ROR2: variants seen among roughly 807,000 people sequenced by gnomAD.
ROR2 encodes tyrosine-protein kinase transmembrane receptor ROR2.
A neutral mutation model predicts 74.9 loss-of-function variants in ROR2; 33 were observed. The observed-to-expected ratio is 0.44, with a 90% confidence interval of 0.33 to 0.59. The LOEUF is 0.59. Ranked by LOEUF, ROR2 falls within the 20% of genes least tolerant of loss-of-function variation. ROR2 has a pLI of 0.02. For missense variants in ROR2, 1,216 were observed against 1,313.8 expected (o/e 0.93, Z 1.15); for synonymous variants, 586 against 558.7 (o/e 1.05, Z -0.69).
intron 1 of ROR2, among the ~76,000 whole-genome samples, chr9:91,900,531 AC>A: frequency 6.6e-6 from 1 of 152,230 alleles, no homozygotes; most frequent in Non-Finnish European, 1.5e-5. Flanking sequence ...TGAGGAAGGC[AC>A]CGCGTGGCAT....
intron 1 of ROR2, among the ~76,000 whole-genome samples, chr9:91,814,307 C>T (rs1827854252): frequency 1.3e-5 from 2 of 152,362 alleles, no homozygotes; most frequent in Middle Eastern, 3.4e-3. Context: ...TAGAAGGCAA[C>T]AGCCTGGCTC....
chr9:91,912,668 G>GT (rs1276203301), intron 1 of ROR2, among the ~76,000 whole-genome samples: 1 of 152,142 alleles, frequency 6.6e-6, no homozygotes. Flanking sequence ...TAACAAACAT[G>GT]TAACAGGAAA....
chr9:91,907,619 C>T (rs1309189006), intron 1 of ROR2, among the ~76,000 whole-genome samples: 1 of 152,144 alleles, frequency 6.6e-6, no homozygotes, highest in African/African-American at 2.4e-5. Flanking sequence ...GGAAGGGCCT[C>T]CTCTGCTGGG....
In ROR2 at chr9:91,734,532, G is replaced by A. The variant is rs527714917; in HGVS notation, c.623-1096C>T. On this transcript the variant is annotated intron_variant, in intron 5 of 8. Transcript: ENST00000375708. ...GCCTTGACCTCCAGGCAAGGAAAGC[G>A]TGTAAGTGCTGTGCCAGGTTTGGCC... Among the ~76,000 whole-genome samples the A allele has an allele frequency of 1.3e-3, 202 of 151,820 alleles. 1 individual carries two copies. Among genetic ancestry groups the A allele is most frequent in the Non-Finnish European group, 2.5e-3 (170 of 67,880 alleles).
At chr9:91,867,748 C>T (rs961458016) in intron 1 of ROR2, among the ~76,000 whole-genome samples, 3 of 150,332 alleles carry the variant, frequency 2.0e-5, no homozygotes, top group Non-Finnish European at 4.4e-5. Context: ...CAGCAGAACA[C>T]CACCCCCGTC....
At chr9:91,815,381 C>A (rs1827892945) in intron 1 of ROR2, among the ~76,000 whole-genome samples, 1 of 151,976 alleles carries the variant, frequency 6.6e-6, no homozygotes, top group Admixed American at 6.6e-5. Flanking sequence ...CATTTTCATT[C>A]ATAATAAAAG....
intron 1 of ROR2, among the ~76,000 whole-genome samples, chr9:91,925,906 G>A (rs538564068): frequency 2.6e-5 from 4 of 152,234 alleles, no homozygotes; most frequent in East Asian, 1.9e-4. Context: ...TGGCTTCCAC[G>A]CACTCTGCCT....
chr9:91,935,196 C>T (rs973482658), intron 1 of ROR2, among the ~76,000 whole-genome samples: 4 of 152,204 alleles, frequency 2.6e-5, no homozygotes, highest in Non-Finnish European at 5.9e-5. Context: ...TCCATGGATA[C>T]CCCACCTCCG....
intron 1 of ROR2, among the ~76,000 whole-genome samples, chr9:91,825,310 G>A (rs190799712): frequency 4.6e-5 from 7 of 152,282 alleles, no homozygotes; most frequent in Admixed American, 1.3e-4. Flanking sequence ...CTGGAAGTGC[G>A]GGGCATGTGA....
chr9:91,919,951 T>C (rs994368195), intron 1 of ROR2, among the ~76,000 whole-genome samples: 12 of 152,120 alleles, frequency 7.9e-5, no homozygotes, highest in Non-Finnish European at 1.8e-4. Flanking sequence ...GAAGGGAATA[T>C]TTGGAGCAGC....
At position 91,898,246 on chromosome 9, in the gene ROR2, T is replaced by G. The variant is rs113534232; in HGVS notation, c.97+51621A>C. Among the ~76,000 whole-genome samples the G allele has an allele frequency of 1.0e-3, 153 of 152,246 alleles. 1 individual carries two copies. The highest frequency in any genetic ancestry group is 3.4e-3 in the African/African-American group (142 of 41,562). On this transcript the variant is annotated intron_variant, in intron 1 of 8. Transcript: ENST00000375708. ...TAACCACTTCCATCCCAAACTTCCC[T>G]CGGAGGAAAGGTGACCTGTGGCCAA... is the stretch of plus-strand genomic sequence containing the variant.
intron 1 of ROR2, among the ~76,000 whole-genome samples, chr9:91,801,900 G>T (rs1237834921): frequency 6.6e-6 from 1 of 152,182 alleles, no homozygotes; most frequent in Non-Finnish European, 1.5e-5. Context: ...GGACTGAAAT[G>T]TTTGGGGACC....
intron 1 of ROR2, among the ~76,000 whole-genome samples, chr9:91,888,817 C>T (rs538144062): frequency 3.3e-5 from 5 of 152,262 alleles, no homozygotes; most frequent in South Asian, 4.1e-4. Context: ...GTGTCCTGCA[C>T]GGGAAGCAAT....
intron 2 of ROR2, among the ~76,000 whole-genome samples, chr9:91,760,348 T>G (rs567195340): frequency 6.9e-4 from 105 of 152,266 alleles, no homozygotes; most frequent in African/African-American, 2.3e-3. Flanking sequence ...GAAAAACAAC[T>G]GTGGGCTAGG....
intron 2 of ROR2, among the ~76,000 whole-genome samples, chr9:91,768,608 C>T (rs916302251): frequency 1.3e-5 from 2 of 152,206 alleles, no homozygotes; most frequent in Admixed American, 1.3e-4. Context: ...AGGGACGCCA[C>T]CCCGCTGGGC....
intron 1 of ROR2, among the ~76,000 whole-genome samples, chr9:91,850,319 T>A (rs1323355505): frequency 6.6e-6 from 1 of 152,206 alleles, no homozygotes; most frequent in African/African-American, 2.4e-5. Context: ...GATGGCCACA[T>A]TGTAATCCCC....
At chr9:91,774,961 T>G (rs904051767) in intron 2 of ROR2, among the ~76,000 whole-genome samples, 1 of 152,218 alleles carries the variant, frequency 6.6e-6, no homozygotes, top group Admixed American at 6.5e-5. Context: ...ACAGGAATAG[T>G]GTCCTTATGA....
At chr9:91,894,265 T>C (rs951255080) in intron 1 of ROR2, among the ~76,000 whole-genome samples, 1 of 152,222 alleles carries the variant, frequency 6.6e-6, no homozygotes, top group African/African-American at 2.4e-5. Context: ...ATGCCAATGC[T>C]TGGGTCCCTT....
chr9:91,824,792 T>A (rs1379398902), intron 1 of ROR2, among the ~76,000 whole-genome samples: 1 of 152,066 alleles, frequency 6.6e-6, no homozygotes, highest in Non-Finnish European at 1.5e-5. Flanking sequence ...GTCCCCACGC[T>A]CTGGAACCAG....
Sources: gnomAD v4.1 joint callset for allele counts (sites outside exome capture counted in the v4.1 genomes callset) on GRCh38, gnomAD v4.1.1 for gene constraint, MANE v1.5 for transcripts, NCBI Gene and HGNC (gene_info 2026-07-23, HGNC 2026-07-21) for gene names.